Variants in RALYL observed in about 807,000 individuals in gnomAD.
The protein encoded by RALYL is RNA-binding Raly-like protein.
A neutral mutation model predicts 35.1 loss-of-function variants in RALYL; 29 were observed. The observed-to-expected ratio is 0.83, with a 90% CI of 0.61 to 1.13. The LOEUF (loss-of-function observed/expected upper bound fraction) is 1.13. Among genes scored for constraint, RALYL ranks in the 50% most tolerant of loss-of-function variants. The pLI, the probability that RALYL is intolerant of heterozygous loss-of-function variation, is 0.00. For missense variants in RALYL, 359 were observed against 360.4 expected (o/e 1.00, Z 0.03); for synonymous variants, 120 against 127.6 (o/e 0.94, Z 0.40).
chr8:84,693,409 G>A (rs1315645201), intron 2 of RALYL, among the ~76,000 whole-genome samples: 1 of 151,838 alleles, frequency 6.6e-6, no homozygotes, highest in East Asian at 1.9e-4. Context: ...AAAACCAACA[G>A]ATCTCATGAG....
intron 1 of RALYL, among the ~76,000 whole-genome samples, chr8:84,203,524 G>T (rs1472916369): frequency 6.6e-6 from 1 of 152,036 alleles, no homozygotes; most frequent in Non-Finnish European, 1.5e-5. Flanking sequence ...TCTGAAACAA[G>T]AATTGAGATT....
intron 1 of RALYL, among the ~76,000 whole-genome samples, chr8:84,502,934 A>G (rs2056832125): frequency 6.6e-6 from 1 of 151,978 alleles, no homozygotes; most frequent in Non-Finnish European, 1.5e-5. Context: ...AAGGAAAAAT[A>G]ATTTAGAGTA....
chr8:84,190,094 G>T (rs1006100147), intron 1 of RALYL, among the ~76,000 whole-genome samples: 1 of 152,202 alleles, frequency 6.6e-6, no homozygotes, highest in Non-Finnish European at 1.5e-5. Context: ...AGTACAAAAT[G>T]TAATCTCTAC....
At chr8:84,690,917 G>A (rs1837901271) in intron 2 of RALYL, among the ~76,000 whole-genome samples, 1 of 151,994 alleles carries the variant, frequency 6.6e-6, no homozygotes. Flanking sequence ...TATCAGTGAA[G>A]CAAAGTTATA....
intron 2 of RALYL, among the ~76,000 whole-genome samples, chr8:84,774,210 C>T (rs570196904): frequency 6.6e-6 from 1 of 152,188 alleles, no homozygotes; most frequent in African/African-American, 2.4e-5. Context: ...CAGAGCAAAA[C>T]CCTGTCTTTT....
At chr8:84,802,262 T>A (rs1823494055) in intron 3 of RALYL, among the ~76,000 whole-genome samples, 1 of 152,228 alleles carries the variant, frequency 6.6e-6, no homozygotes, top group Admixed American at 6.5e-5. Context: ...CTTCTTTTGA[T>A]ATTTTCCAGC....
At chr8:84,735,318 AG>A (rs1482594382) in intron 2 of RALYL, among the ~76,000 whole-genome samples, 1 of 152,098 alleles carries the variant, frequency 6.6e-6, no homozygotes, top group Non-Finnish European at 1.5e-5. Flanking sequence ...AAAGGATAAA[AG>A]GAAAAACTCC....
At chr8:84,422,350 T>A (rs1418411381) in intron 1 of RALYL, among the ~76,000 whole-genome samples, 1 of 127,058 alleles carries the variant, frequency 7.9e-6, no homozygotes, top group Admixed American at 8.4e-5. Flanking sequence ...GTGTTTGTAG[T>A]ATTCTCTGAT....
At chr8:84,536,580 ACCC>A (rs973053941) in intron 2 of RALYL, among the ~76,000 whole-genome samples, 14 of 152,276 alleles carry the variant, frequency 9.2e-5, no homozygotes, top group African/African-American at 3.1e-4. Flanking sequence ...CTATCACAGA[ACCC>A]CTAAAGAAGC....
chr8:84,540,313 TTGTGTGTG>T (rs138650642), intron 2 of RALYL, among the ~76,000 whole-genome samples: 17 of 144,890 alleles, frequency 1.2e-4, no homozygotes, highest in African/African-American at 4.3e-4. Flanking sequence ...ATCATAGGAT[TTGTGTGTG>T]TGTGTGTGTG....
chr8:84,905,502 C>G (rs964053081), intron 8 of RALYL, among the ~76,000 whole-genome samples: 3 of 152,080 alleles, frequency 2.0e-5, no homozygotes, highest in African/African-American at 7.2e-5. Flanking sequence ...GACCTCCATA[C>G]TGTTTTCCAG....
In RALYL at chr8:84,223,196, T is replaced by C. The variant is rs1331782581; in HGVS notation, c.-24+38772T>C. Among the ~76,000 whole-genome samples, 849 of 110,994 alleles carry C rather than the reference T, an allele frequency of 7.6e-3. 46 individuals are homozygous for C. The highest frequency in any genetic ancestry group is 0.032 in the African/African-American group (781 of 24,596). The allele number at this position is 110,994 out of a possible 152,430, so 72.8% of individuals were successfully genotyped here. A position where few individuals can be genotyped will look rare whatever the true frequency, so the allele number is the denominator to read the frequency against. ...TTCCCTTCCCTTCCCTTCCCTTCCC[T>C]TCCCTTCCATTCCTCCCTTCCCTTC... On this transcript the variant is annotated intron_variant, in intron 1 of 8. Transcript: ENST00000521268.
chr8:84,347,832 G>A (rs1850130401), intron 1 of RALYL, among the ~76,000 whole-genome samples: 2 of 152,056 alleles, frequency 1.3e-5, no homozygotes, highest in South Asian at 2.1e-4. Context: ...AAAATCTGTA[G>A]ACAAATTAAA....
chr8:84,842,143 C>T (rs1204542738), intron 4 of RALYL, among the ~76,000 whole-genome samples: 1 of 152,082 alleles, frequency 6.6e-6, no homozygotes, highest in Admixed American at 6.5e-5. Context: ...GAAATAGAGA[C>T]ACAAAAAACC....
At chr8:84,329,681 C>A (rs898052271) in intron 1 of RALYL, among the ~76,000 whole-genome samples, 1 of 151,902 alleles carries the variant, frequency 6.6e-6, no homozygotes, top group African/African-American at 2.4e-5. Flanking sequence ...GTAAATAAGA[C>A]TATTTGCTAT....
chr8:84,253,364 ATTT>A (rs535716220), intron 1 of RALYL, among the ~76,000 whole-genome samples: 2 of 99,536 alleles, frequency 2.0e-5, no homozygotes, highest in Non-Finnish European at 2.2e-5. Context: ...TAATTTTTGT[ATTT>A]TTTTTTTTTT....
chr8:84,319,423 C>A (rs1258632072), intron 1 of RALYL, among the ~76,000 whole-genome samples: 3 of 151,958 alleles, frequency 2.0e-5, no homozygotes, highest in Non-Finnish European at 2.9e-5. Context: ...TTTAAAACAA[C>A]CTAAAGTGCA....
intron 2 of RALYL, among the ~76,000 whole-genome samples, chr8:84,770,445 C>T (rs2718966): frequency 0.23 from 34,128 of 150,834 alleles, 4,088 homozygotes; most frequent in Non-Finnish European, 0.25. Context: ...TATTCACTTG[C>T]TGATTGATGG....
intron 4 of RALYL, among the ~76,000 whole-genome samples, chr8:84,830,229 G>C (rs142696431): frequency 2.1e-3 from 317 of 152,162 alleles, no homozygotes; most frequent in African/African-American, 7.4e-3. Context: ...AAAACCCTGC[G>C]AGTATTAATT....
Sources: allele counts gnomAD v4.1 joint callset (sites outside exome capture counted in the v4.1 genomes callset), GRCh38; gene constraint gnomAD v4.1.1; transcripts MANE v1.5; gene names NCBI Gene and HGNC (gene_info 2026-07-23, HGNC 2026-07-21).